The following AMOTL1 variants were observed in gnomAD, a reference collection of about 807,000 sequenced individuals.
The protein encoded by AMOTL1 is angiomotin-like protein 1.
AMOTL1 carries 45 observed loss-of-function variants against 102.9 expected under a neutral mutation model. The observed-to-expected ratio is 0.44, with a 90% CI of 0.34 to 0.56. The LOEUF is 0.56. Among genes scored for constraint, AMOTL1 ranks in the 20% least tolerant of loss-of-function variants. The probability of loss-of-function intolerance (pLI) is 0.01; values close to 1 mark genes in which losing one functional copy is unlikely to be tolerated. For missense variants in AMOTL1, 1,114 were observed against 1,225.6 expected (o/e 0.91, Z 1.36); for synonymous variants, 481 against 484.7 (o/e 0.99, Z 0.10).
At chr11:94,794,920 T>C in intron 1 of AMOTL1, 91 bp from the exon 2 acceptor site, 1 of 1,388,578 alleles carries the variant, frequency 7.2e-7, no homozygotes, top group Non-Finnish European at 9.7e-7. Context: ...TGAAACACTG[T>C]GGGAGAATGC....
At chr11:94,782,337 A>G (rs1591959545) in intron 1 of AMOTL1, among the ~76,000 whole-genome samples, 1 of 152,214 alleles carries the variant, frequency 6.6e-6, no homozygotes, top group Non-Finnish European at 1.5e-5. Flanking sequence ...GGAAACTTGT[A>G]TCTGCCACCG....
At chr11:94,834,268 T>G (rs1415904924) in intron 6 of AMOTL1, among the ~76,000 whole-genome samples, 1 of 152,124 alleles carries the variant, frequency 6.6e-6, no homozygotes, top group African/African-American at 2.4e-5. Flanking sequence ...AGCACTTGGT[T>G]AGAAGAAAGG....
rs535667914 is a variant in AMOTL1 at position 94,837,678 on chromosome 11, C to T, written c.1648+6137C>T. On this transcript the variant is annotated intron_variant, in intron 6 of 12. Transcript: ENST00000433060. ...GAAAATTAATGTTACTCAATTTAGGCTCAAATTAGGCTCTGATTTGCCATG... is the reference window on the plus strand; with the variant it reads ...GAAAATTAATGTTACTCAATTTAGGTTCAAATTAGGCTCTGATTTGCCATG... Among the ~76,000 whole-genome samples, 7 of 152,306 alleles carry T rather than the reference C, an allele frequency of 4.6e-5. No homozygotes were observed. In the East Asian group the frequency reaches 1.2e-3, roughly 25 times the overall value.
intron 5 of AMOTL1, among the ~76,000 whole-genome samples, chr11:94,831,016 CT>C (rs1157257695): frequency 1.3e-5 from 2 of 152,104 alleles, no homozygotes; most frequent in South Asian, 4.1e-4. Flanking sequence ...GTCATTTTGA[CT>C]TTTTTTGGTA....
chr11:94,742,958 A>C (rs1229794657), intron 3 of AMOTL1, among the ~76,000 whole-genome samples: 1 of 152,128 alleles, frequency 6.6e-6, no homozygotes, highest in Non-Finnish European at 1.5e-5. Flanking sequence ...TCACTTCCCA[A>C]AGGCCTCACC....
chr11:94,816,901 A>G (rs1431680652), intron 3 of AMOTL1, among the ~76,000 whole-genome samples: 2 of 152,214 alleles, frequency 1.3e-5, no homozygotes, highest in African/African-American at 2.4e-5. Context: ...GTAAGGGCCA[A>G]TGTTGAGAGA....
intron 1 of AMOTL1, among the ~76,000 whole-genome samples, chr11:94,709,252 T>C (rs1297909154): frequency 6.6e-6 from 1 of 152,202 alleles, no homozygotes; most frequent in African/African-American, 2.4e-5. Flanking sequence ...GGGACAACCA[T>C]TGCTAGGTTC....
At chr11:94,753,606 G>C (rs1395186534) in intron 3 of AMOTL1, among the ~76,000 whole-genome samples, 1 of 152,140 alleles carries the variant, frequency 6.6e-6, no homozygotes, top group African/African-American at 2.4e-5. Context: ...CTGAAGCTAA[G>C]ACAAGTTAAA....
At chr11:94,863,340 C>A (rs558626015) in intron 9 of AMOTL1, among the ~76,000 whole-genome samples, 64 of 151,242 alleles carry the variant, frequency 4.2e-4, no homozygotes, top group African/African-American at 1.5e-3. Context: ...CGTCTGTAAT[C>A]CCAGCACTCT....
rs2135756512 is a variant in AMOTL1, at chr11:94,875,766, T to C, written c.*4971T>C. On this transcript the variant is annotated 3_prime_UTR_variant, in exon 13 of 13. Coordinates refer to ENST00000433060, the MANE Select transcript of AMOTL1 (RefSeq NM_130847.3). ...CTAAGAAATTTCTTGGAATGAGTCT[T>C]TGGCCTCAGAGCCTCTCAAAGTGTC... 1 of 152,364 alleles carries C rather than the reference T, an allele frequency of 6.6e-6. No homozygotes were observed. The highest frequency in any genetic ancestry group is 2.1e-4 in the South Asian group (1 of 4,828). 9.4% of individuals were successfully genotyped at this position (152,364 alleles called of 1,614,324 possible). A position where few individuals can be genotyped will look rare whatever the true frequency, so the allele number is the denominator to read the frequency against.
chr11:94,870,203 T>A (rs1475802507), intron 12 of AMOTL1, among the ~76,000 whole-genome samples: 5 of 152,200 alleles, frequency 3.3e-5, no homozygotes, highest in Non-Finnish European at 5.9e-5. Context: ...AGACTAATCA[T>A]GGTCATGGGG....
At chr11:94,731,958 G>A (rs182942394) in intron 2 of AMOTL1, among the ~76,000 whole-genome samples, 17 of 152,310 alleles carry the variant, frequency 1.1e-4, no homozygotes, top group Admixed American at 3.9e-4. Flanking sequence ...CAGTGCTGTT[G>A]TAACATGTGC....
chr11:94,815,361 AT>A (rs1480898669), intron 3 of AMOTL1, among the ~76,000 whole-genome samples: 5 of 152,114 alleles, frequency 3.3e-5, no homozygotes, highest in Admixed American at 1.3e-4. Context: ...CAAAAAAAAA[AT>A]TTGTCTAATG....
At chr11:94,804,309 T>C (rs1438123409) in intron 3 of AMOTL1, among the ~76,000 whole-genome samples, 1 of 152,220 alleles carries the variant, frequency 6.6e-6, no homozygotes, top group Admixed American at 6.5e-5. Flanking sequence ...TTGTTGTTGT[T>C]GTCTTGAGAT....
In AMOTL1 at chr11:94,799,862, C is replaced by G; in HGVS notation, c.672C>G (p.Thr224=). 6.3e-7 allele frequency: 1 copy of G among 1,591,416 alleles called. No individual in the cohort carries two copies. The highest frequency in any genetic ancestry group is 8.6e-7 in the Non-Finnish European group (1 of 1,168,296). ...ATGGTTACTACATGGCAGGGGGCAC[C>G]AGTCAGAAGTCCCGAACTGAGGGGA... ...VGHGYYMAGG[T]SQKSRTEGRP... is the part of the protein sequence containing the mutation. The change falls in exon 3 of 13, where the codon ACC becomes ACG. Residue 224 remains threonine, a synonymous_variant. Transcript: ENST00000433060. This position sits in a 1 kb window ranked among gnomAD's most constrained non-coding sequence, Gnocchi z 4.5.
intron 1 of AMOTL1, among the ~76,000 whole-genome samples, chr11:94,770,990 G>T (rs949222720): frequency 6.6e-6 from 1 of 152,152 alleles, no homozygotes; most frequent in Non-Finnish European, 1.5e-5. Flanking sequence ...TCTGGCTGGT[G>T]AGAGTTCTGT....
chr11:94,764,642 C>T (rs1399839787), upstream of AMOTL1, among the ~76,000 whole-genome samples: 2 of 152,180 alleles, frequency 1.3e-5, no homozygotes, highest in Non-Finnish European at 2.9e-5. Context: ...TCTGTCTTTG[C>T]AAGCCCAAGC....
chr11:94,716,092 C>T (rs924647724), intron 1 of AMOTL1, among the ~76,000 whole-genome samples: 2 of 152,010 alleles, frequency 1.3e-5, no homozygotes, highest in South Asian at 4.2e-4. Flanking sequence ...ATTGATTTGT[C>T]CTTAAGTTCA....
chr11:94,859,903 C>CAT (rs767786554), intron 9 of AMOTL1, among the ~76,000 whole-genome samples, 188 bp downstream of exon 9: 4 of 152,146 alleles, frequency 2.6e-5, no homozygotes, highest in Admixed American at 6.5e-5. Context: ...GATTTGGCAA[C>CAT]ATATATCTTT....
Sources: gnomAD v4.1 joint callset for allele counts (sites outside exome capture counted in the v4.1 genomes callset) on GRCh38, gnomAD v4.1.1 for gene constraint, Gnocchi (gnomAD v3.1) non-coding constraint, MANE v1.5 for transcripts, NCBI Gene and HGNC (gene_info 2026-07-23, HGNC 2026-07-21) for gene names.